The following SLC12A6 variants were observed in gnomAD, a reference collection of about 807,000 sequenced individuals.
SLC12A6 encodes the protein K-Cl cotransporter 3.
SLC12A6 carries 66 observed loss-of-function variants against 135.3 expected under a neutral mutation model. The ratio of observed to expected loss-of-function variants is 0.49; its 90% CI spans 0.40 to 0.60. SLC12A6 has a LOEUF of 0.60. SLC12A6 is among the 20% of genes least tolerant of loss of function. The pLI, the probability that SLC12A6 is intolerant of heterozygous loss-of-function variation, is 0.00. For missense variants in SLC12A6, 1,058 were observed against 1,452.3 expected (o/e 0.73, Z 4.41); for synonymous variants, 513 against 508.8 (o/e 1.01, Z -0.11).
chr15:34,294,417 A>T (rs1325958638), intron 2 of SLC12A6, among the ~76,000 whole-genome samples: 1 of 152,080 alleles, frequency 6.6e-6, no homozygotes, highest in Non-Finnish European at 1.5e-5. Flanking sequence ...CAAAAATGCC[A>T]GGCTAATTTT....
chr15:34,235,465 G>A (rs994109290), intron 24 of SLC12A6, 151 bp from the exon 25 acceptor site: 12 of 633,320 alleles, frequency 1.9e-5, no homozygotes, highest in African/African-American at 1.1e-4. Context: ...AGGGAGTTTC[G>A]CTCATGTCAC....
rs78665616 is a variant in SLC12A6, at chr15:34,329,478, A to G, written c.271+6932T>C. ...CAGGTTTGCAGGAGTACCTTCTTTC[A>G]TTTCCTTCCATTCCAGTAAAGGTAA... On this transcript the variant is annotated intron_variant, in intron 2 of 25. Transcript: ENST00000354181. 7.7e-3 allele frequency among the ~76,000 whole-genome samples: 1,179 copies of G among 152,258 alleles called. 20 individuals are homozygous for G. Among genetic ancestry groups the G allele is most frequent in the African/African-American group, 0.027 (1,130 of 41,530 alleles).
At chr15:34,288,521 A>G (rs1275002530) in intron 2 of SLC12A6, among the ~76,000 whole-genome samples, 1 of 152,202 alleles carries the variant, frequency 6.6e-6, no homozygotes, top group Non-Finnish European at 1.5e-5. Flanking sequence ...TTCTGTGAAG[A>G]AAGTCAGTGG....
At chr15:34,282,796 G>A (rs1158250035) in intron 2 of SLC12A6, among the ~76,000 whole-genome samples, 2 of 152,076 alleles carry the variant, frequency 1.3e-5, no homozygotes, top group Non-Finnish European at 2.9e-5. Flanking sequence ...ACAGTCATGG[G>A]GTATTTGTTA....
At chr15:34,310,212 T>A in intron 2 of SLC12A6, among the ~76,000 whole-genome samples, 1 of 138,698 alleles carries the variant, frequency 7.2e-6, no homozygotes, top group Admixed American at 7.1e-5. Context: ...TGTGTGTCCC[T>A]GTGTCCAGGC....
intron 2 of SLC12A6, among the ~76,000 whole-genome samples, chr15:34,289,695 T>C (rs1004574103): frequency 1.3e-5 from 2 of 152,096 alleles, no homozygotes; most frequent in East Asian, 3.9e-4. Flanking sequence ...ACTTTTTCCT[T>C]GTTTAGTCTT....
At chr15:34,238,112 C>T in intron 21 of SLC12A6, 120 bp downstream of exon 21, 1 of 770,104 alleles carries the variant, frequency 1.3e-6, no homozygotes, top group Non-Finnish European at 2.3e-6. Flanking sequence ...CCTAGAATAA[C>T]TTCCAACTCT....
intron 23 of SLC12A6, 101 bp from the exon 24 acceptor site, chr15:34,236,300 C>T (rs1891259360): frequency 1.2e-6 from 1 of 853,582 alleles, no homozygotes. Context: ...GAATAACTGA[C>T]AGAGTGAGAA....
chr15:34,308,720 C>G (rs893452396), intron 2 of SLC12A6, among the ~76,000 whole-genome samples: 2 of 148,286 alleles, frequency 1.3e-5, no homozygotes, highest in Non-Finnish European at 3.0e-5. Context: ...AAAGAATATT[C>G]TACATTTGTA....
intron 3 of SLC12A6, among the ~76,000 whole-genome samples, chr15:34,274,418 T>C (rs145692470): frequency 2.0e-5 from 3 of 152,306 alleles, no homozygotes; most frequent in Admixed American, 2.0e-4. Flanking sequence ...GAAGAAGAGA[T>C]ACTTTTACTT....
In SLC12A6 at chr15:34,230,050, CAAA is replaced by C; in HGVS notation, c.*3828_*3830del. On this transcript the variant is annotated 3_prime_UTR_variant, in exon 26 of 26. Coordinates refer to ENST00000354181, the MANE Select transcript of SLC12A6 (RefSeq NM_001365088.1). Reference sequence around the variant, plus strand: ...TTTCCAGTACAGAGCAAAACAACAACAAAAAAACATAACTATGTAAACAAGAGA... The same window carrying C: ...TTTCCAGTACAGAGCAAAACAACAACAAAACATAACTATGTAAACAAGAGA... The C allele has an allele frequency of 2.2e-6, 1 of 447,208 alleles. No homozygotes were observed. Among genetic ancestry groups the C allele is most frequent in the East Asian group, 3.5e-5 (1 of 28,528 alleles). 27.7% of individuals were successfully genotyped at this position (447,208 alleles called of 1,614,324 possible). A position where few individuals can be genotyped will look rare whatever the true frequency, so the allele number is the denominator to read the frequency against.
chr15:34,254,588 A>G lies in SLC12A6; in HGVS notation c.878T>C (p.Val293Ala), dbSNP rs1566815766. 7 of 1,601,832 alleles carry G rather than the reference A, an allele frequency of 4.4e-6. No homozygotes were observed. The highest frequency in any genetic ancestry group is 6.0e-6 in the Non-Finnish European group (7 of 1,168,790). ...GATGGCAGCTCGGGGGACGATATAG[A>G]CCTGTTAGGTAAAAATAAAGGAGAA... Reference protein sequence around the residue: ...YILGAIEIFLVYIVPRAAIFH... With the variant: ...YILGAIEIFLAYIVPRAAIFH... Residue 293 changes from valine (V) to alanine (A), a missense_variant and splice_region_variant, in exon 9 of 26, where the codon GTC (valine) becomes GCC (alanine). Val to Ala is a moderately conservative substitution (Grantham distance 64). Coordinates refer to ENST00000354181, the MANE Select transcript of SLC12A6 (RefSeq NM_001365088.1).
chr15:34,308,660 G>C lies in SLC12A6; in HGVS notation c.271+27750C>G, dbSNP rs1340588062. On this transcript the variant is annotated intron_variant, in intron 2 of 25. Transcript: ENST00000354181. Reference sequence around the variant, plus strand: ...AAAAAAAAAAAAAAAAAACAAACCAGATTGTTGGATTAAGTCAAGTTCAGA... The same window carrying C: ...AAAAAAAAAAAAAAAAAACAAACCACATTGTTGGATTAAGTCAAGTTCAGA... Among the ~76,000 whole-genome samples the C allele has an allele frequency of 6.8e-3, 938 of 137,726 alleles. 8 individuals are homozygous for C. The highest frequency in any genetic ancestry group is 0.021 in the Middle Eastern group (5 of 240). 90.4% of individuals were successfully genotyped at this position (137,726 alleles called of 152,430 possible).
At position 34,245,419 on chromosome 15, in the gene SLC12A6, A is replaced by G. The variant is rs763005505; in HGVS notation, c.1825-16T>C. 17 of 1,385,754 alleles carry G rather than the reference A, an allele frequency of 1.2e-5. No individual in the cohort carries two copies. The highest frequency in any genetic ancestry group is 1.8e-4 in the Middle Eastern group (1 of 5,654). 85.8% of individuals were successfully genotyped at this position (1,385,754 alleles called of 1,614,324 possible). On this transcript the variant is annotated splice_polypyrimidine_tract_variant and intron_variant, in intron 14 of 25. Coordinates refer to ENST00000354181, the MANE Select transcript of SLC12A6 (RefSeq NM_001365088.1). ...GGCCAAAAACCTGTACACAGAAGGG[A>G]AATATCAGGCACAGGAGTACTGAGT... is the stretch of plus-strand genomic sequence containing the variant.
At chr15:34,270,836 A>C (rs34429732) in intron 3 of SLC12A6, among the ~76,000 whole-genome samples, 230 of 143,736 alleles carry the variant, frequency 1.6e-3, no homozygotes, top group Non-Finnish European at 2.0e-3. Context: ...AAAAACAAAA[A>C]AAAAAAAAAG....
rs1344796628 is a variant in SLC12A6 at position 34,231,246 on chromosome 15, C to A, written c.*2635G>T. The A allele has an allele frequency of 6.6e-6, 1 of 152,316 alleles. No individual in the cohort carries two copies. Among genetic ancestry groups the A allele is most frequent in the Non-Finnish European group, 1.5e-5 (1 of 68,242 alleles). The allele number at this position is 152,316 out of a possible 1,614,324, so 9.4% of individuals were successfully genotyped here. ...GTGTGGTGGCACATGCTTGTAATTC[C>A]AGCTACTCGGGAGGCTGAGGCAGGA... is the stretch of plus-strand genomic sequence containing the variant. On this transcript the variant is annotated 3_prime_UTR_variant, in exon 26 of 26. Transcript: ENST00000354181.
intron 2 of SLC12A6, among the ~76,000 whole-genome samples, chr15:34,276,587 T>C (rs1306794670): frequency 5.9e-5 from 9 of 152,232 alleles, no homozygotes; most frequent in East Asian, 1.9e-4. Flanking sequence ...TCTGGCTTCC[T>C]TGAATGTGCC....
Position 34,229,965 on chromosome 15 carries a change from A to G in SLC12A6, c.*3916T>C. On this transcript the variant is annotated 3_prime_UTR_variant, in exon 26 of 26. Coordinates refer to ENST00000354181, the MANE Select transcript of SLC12A6 (RefSeq NM_001365088.1). Reference sequence around the variant, plus strand: ...GAAGGACAATGTGCATATTACGACAAACACAAAGAAACTATACCATAACCC... The same window carrying G: ...GAAGGACAATGTGCATATTACGACAGACACAAAGAAACTATACCATAACCC... 1.5e-6 allele frequency: 1 copy of G among 651,536 alleles called. No individual in the cohort carries two copies. The highest frequency in any genetic ancestry group is 2.7e-6 in the Non-Finnish European group (1 of 369,418). 40.4% of individuals were successfully genotyped at this position (651,536 alleles called of 1,614,324 possible).
intron 5 of SLC12A6, 57 bp downstream of exon 5, chr15:34,258,756 C>A (rs911700225): frequency 1.0e-5 from 15 of 1,467,376 alleles, no homozygotes; most frequent in Non-Finnish European, 1.4e-5. Context: ...TAGGTATTTC[C>A]TTCTTTCTTA....
Sources: gnomAD v4.1 joint callset for allele counts (sites outside exome capture counted in the v4.1 genomes callset) on GRCh38, gnomAD v4.1.1 for gene constraint, MANE v1.5 for transcripts, NCBI Gene and HGNC (gene_info 2026-07-23, HGNC 2026-07-21) for gene names.